Variants in PTGDR2 observed in about 807,000 individuals in gnomAD.
PTGDR2 encodes prostaglandin D2 receptor 2.
For missense variants in PTGDR2, 544 were observed against 576.6 expected, an observed-to-expected ratio of 0.94 and a Z score of 0.58; for synonymous variants, 276 against 278.4, an observed-to-expected ratio of 0.99 and a Z score of 0.09.
In PTGDR2 at chr11:60,851,800, C is replaced by T. The variant is rs1855271134; in HGVS notation, c.*735G>A. Reference sequence around the variant, plus strand: ...AGCATCTTAAGTCCCTCGAGTAGGTCAGAGAATGTCCTCGCTCACCAGAGA... The same window carrying T: ...AGCATCTTAAGTCCCTCGAGTAGGTTAGAGAATGTCCTCGCTCACCAGAGA... On this transcript the variant is annotated 3_prime_UTR_variant, in exon 2 of 2. Coordinates refer to ENST00000332539, the MANE Select transcript of PTGDR2 (RefSeq NM_004778.3). 6.6e-6 allele frequency: 1 copy of T among 152,202 alleles called. No individual in the cohort carries two copies. The highest frequency in any genetic ancestry group is 1.5e-5 in the Non-Finnish European group (1 of 68,038). 9.4% of individuals were successfully genotyped at this position (152,202 alleles called of 1,614,324 possible).
At position 60,852,633 on chromosome 11, in the gene PTGDR2, G is replaced by T. The variant is rs1315448876; in HGVS notation, c.1090C>A (p.Arg364=). ...CAGCCGAGGAGACGCGCGGGGCCCC[G>T]CGGTTCCTCCGGGCGGCTGCAGAGA... ...LALCSRPEEP[R]GPARLLGWLL... Residue 364 remains arginine (R), a synonymous_variant, in exon 2 of 2, where the codon CGG becomes AGG. Coordinates refer to ENST00000332539, the MANE Select transcript of PTGDR2 (RefSeq NM_004778.3). 7.5e-7 allele frequency: 1 copy of T among 1,330,830 alleles called. No homozygotes were observed. The highest frequency in any genetic ancestry group is 4.0e-5 in the Admixed American group (1 of 25,112). 82.4% of individuals were successfully genotyped at this position (1,330,830 alleles called of 1,614,324 possible). A position where few individuals can be genotyped will look rare whatever the true frequency, so the allele number is the denominator to read the frequency against.
chr11:60,853,393 G>C lies in PTGDR2; in HGVS notation c.330C>G (p.Ile110Met). The change falls in exon 2 of 2, where the codon ATC becomes ATG. Residue 110 changes from isoleucine (I) to methionine (M), a missense_variant. Transcript: ENST00000332539. ...CGCTGGCGAACATGTTGAGAAAGAA[G>C]ATGGAGGAGTGCAGTTTGCAGAAGG... Reference protein sequence around the residue: ...GTTFCKLHSSIFFLNMFASGF... With the variant: ...GTTFCKLHSSMFFLNMFASGF... 2 of 1,589,756 alleles carry C rather than the reference G, an allele frequency of 1.3e-6. No individual in the cohort carries two copies. The highest frequency in any genetic ancestry group is 1.7e-6 in the Non-Finnish European group (2 of 1,168,092).
Position 60,853,664 on chromosome 11 carries a change from A to T in PTGDR2, c.59T>A (p.Leu20His). ...LCPILEQMSR[L>H]QSHSNTSIRY... ...GATGCTGGTGTTGCTGTGGCTCTGGAGACGGCTCATCTGCTCCAGGATGGG... is the reference window on the plus strand; with the variant it reads ...GATGCTGGTGTTGCTGTGGCTCTGGTGACGGCTCATCTGCTCCAGGATGGG... Residue 20 changes from leucine to histidine, a missense_variant, in exon 2 of 2, where the codon CTC becomes CAC. Transcript: ENST00000332539. 6.4e-7 allele frequency: 1 copy of T among 1,558,782 alleles called. No homozygotes were observed. The highest frequency in any genetic ancestry group is 8.7e-7 in the Non-Finnish European group (1 of 1,151,482).
chr11:60,855,473 C>T (rs558837610), intron 1 of PTGDR2, among the ~76,000 whole-genome samples: 11 of 144,394 alleles, frequency 7.6e-5, no homozygotes, highest in Admixed American at 2.8e-4. Flanking sequence ...AGCTAAGGTC[C>T]GGCTTTGGCA....
intron 1 of PTGDR2, among the ~76,000 whole-genome samples, chr11:60,854,285 C>T (rs1045754883): frequency 6.6e-6 from 1 of 152,200 alleles, no homozygotes; most frequent in Non-Finnish European, 1.5e-5. Flanking sequence ...TGCAGCTCCC[C>T]GCACTCAGTG....
chr11:60,853,787 C>A, intron 1 of PTGDR2, 56 bp from the exon 2 acceptor site: 1 of 1,386,392 alleles, frequency 7.2e-7, no homozygotes, highest in Non-Finnish European at 9.7e-7. Context: ...ACCGGGGAAC[C>A]AAGAGAGAGG....
chr11:60,852,793 G>T lies in PTGDR2; in HGVS notation c.930C>A (p.Asp310Glu), dbSNP rs1293465766. The change falls in exon 2 of 2, where the codon GAC becomes GAA. Residue 310 changes from aspartate (D) to glutamate (E), a missense_variant. Transcript: ENST00000332539. ...NPVLYVLTCPDMLRKLRRSLR... is the reference protein window; with the variant it reads ...NPVLYVLTCPEMLRKLRRSLR... ...GCGAGCGCCGCAGCTTGCGCAGCATGTCGGGGCAGGTGAGCACGTAGAGCA... is the reference window on the plus strand; with the variant it reads ...GCGAGCGCCGCAGCTTGCGCAGCATTTCGGGGCAGGTGAGCACGTAGAGCA... 1.9e-6 allele frequency: 3 copies of T among 1,554,936 alleles called. No homozygotes were observed. The highest frequency in any genetic ancestry group is 2.6e-6 in the Non-Finnish European group (3 of 1,150,932).
chr11:60,853,871 A>G, intron 1 of PTGDR2, 140 bp from the exon 2 acceptor site: 2 of 682,042 alleles, frequency 2.9e-6, no homozygotes, highest in Non-Finnish European at 4.8e-6. Flanking sequence ...TGGGGGGAAT[A>G]ATATCCCAGC....
rs144164916 is a variant in PTGDR2, at chr11:60,853,291, G to C, written c.432C>G (p.Thr144=). The change falls in exon 2 of 2, where the codon ACC becomes ACG. Residue 144 remains threonine, a synonymous_variant. Transcript: ENST00000332539. Reference sequence around the variant, plus strand: ...GGCAGACTTTGTGCGCCGCGGCCACGGTGCGGTGGTTCTGCGCCCACACCG... The same window carrying C: ...GGCAGACTTTGTGCGCCGCGGCCACCGTGCGGTGGTTCTGCGCCCACACCG... The part of the protein sequence containing the change: ...VRPVWAQNHR[T]VAAAHKVCLV... The C allele has an allele frequency of 1.2e-6, 2 of 1,611,660 alleles. No individual in the cohort carries two copies. Among genetic ancestry groups the C allele is most frequent in the Non-Finnish European group, 1.7e-6 (2 of 1,179,084 alleles).
intron 1 of PTGDR2, 110 bp downstream of exon 1, chr11:60,855,759 C>T (rs1855347729): frequency 6.6e-6 from 1 of 152,376 alleles, no homozygotes; most frequent in African/African-American, 2.4e-5. Flanking sequence ...TAAACTCAAT[C>T]TTCTGCCATC....
In PTGDR2 at chr11:60,852,604, C is replaced by A; in HGVS notation, c.1119G>T (p.Leu373=). ...PRGPARLLGW[L]LGSCAASPQT... Reference sequence around the variant, plus strand: ...GCGGGGACGCTGCGCAGCTGCCCAGCAGCCAGCCGAGGAGACGCGCGGGGC... The same window carrying A: ...GCGGGGACGCTGCGCAGCTGCCCAGAAGCCAGCCGAGGAGACGCGCGGGGC... The change falls in exon 2 of 2, where the codon CTG becomes CTT. Residue 373 remains leucine (L), a synonymous_variant. Coordinates refer to ENST00000332539, the MANE Select transcript of PTGDR2 (RefSeq NM_004778.3). The A allele has an allele frequency of 7.7e-7, 1 of 1,306,454 alleles. No individual in the cohort carries two copies. 80.9% of individuals were successfully genotyped at this position (1,306,454 alleles called of 1,614,324 possible).
Position 60,852,667 on chromosome 11 carries a change from G to A in PTGDR2, c.1056C>T (p.Ser352=). ...RRTSSTARSA[S]PLALCSRPEE... ...CCGGGCGGCTGCAGAGAGCTAAAGG[G>A]GAGGCCGAGCGGGCGGTGGAGGAGG... is the stretch of plus-strand genomic sequence containing the variant. Residue 352 remains serine, a synonymous_variant, in exon 2 of 2, where the codon TCC becomes TCT. Coordinates refer to ENST00000332539, the MANE Select transcript of PTGDR2 (RefSeq NM_004778.3). The A allele has an allele frequency of 5.7e-6, 8 of 1,394,538 alleles. No homozygotes were observed. Among genetic ancestry groups the A allele is most frequent in the South Asian group, 3.3e-5 (2 of 61,508 alleles). The allele number at this position is 1,394,538 out of a possible 1,614,324, so 86.4% of individuals were successfully genotyped here.
rs1180810807 is a variant in PTGDR2 at position 60,851,948 on chromosome 11, A to G, written c.*587T>C. 6.6e-6 allele frequency: 1 copy of G among 152,308 alleles called. No homozygotes were observed. Among genetic ancestry groups the G allele is most frequent in the East Asian group, 1.9e-4 (1 of 5,200 alleles). The allele number at this position is 152,308 out of a possible 1,614,324, so 9.4% of individuals were successfully genotyped here. ...CTCAGCTGTAAAGACTGGCTAATAG[A>G]AGCTGCCCCTTAAGATTGTGGGATG... On this transcript the variant is annotated 3_prime_UTR_variant, in exon 2 of 2. Coordinates refer to ENST00000332539, the MANE Select transcript of PTGDR2 (RefSeq NM_004778.3).
rs1310206144 is a variant in PTGDR2, at chr11:60,853,202, G to C, written c.521C>G (p.Ser174Trp). 1.2e-6 allele frequency: 2 copies of C among 1,612,126 alleles called. No individual in the cohort carries two copies. The highest frequency in any genetic ancestry group is 8.5e-7 in the Non-Finnish European group (1 of 1,179,894). ...GCACATAATGCGCCCGTCCAGCCGCGAGATGGTGTCCCGGAACACGAAATA... is the reference window on the plus strand; with the variant it reads ...GCACATAATGCGCCCGTCCAGCCGCCAGATGGTGTCCCGGAACACGAAATA... ...VPYFVFRDTI[S>W]RLDGRIMCYY... Residue 174 changes from serine to tryptophan, a missense_variant, in exon 2 of 2, where the codon TCG becomes TGG. Ser to Trp is a radical substitution (Grantham distance 177). Coordinates refer to ENST00000332539, the MANE Select transcript of PTGDR2 (RefSeq NM_004778.3).
rs768698494 is a variant in PTGDR2, at chr11:60,852,810, C to T, written c.913G>A (p.Val305Met). ...FNSVANPVLY[V>M]LTCPDMLRKL... is the part of the protein sequence containing the mutation. ...CGCAGCATGTCGGGGCAGGTGAGCA[C>T]GTAGAGCACCGGGTTGGCCACGCTG... The change falls in exon 2 of 2, where the codon GTG becomes ATG. Residue 305 changes from valine to methionine, a missense_variant. Coordinates refer to ENST00000332539, the MANE Select transcript of PTGDR2 (RefSeq NM_004778.3). 6.4e-7 allele frequency: 1 copy of T among 1,558,946 alleles called. No individual in the cohort carries two copies. The highest frequency in any genetic ancestry group is 8.7e-7 in the Non-Finnish European group (1 of 1,152,870).
At chr11:60,853,759 G>A (rs1056928401) in intron 1 of PTGDR2, 28 bp from the exon 2 acceptor site, 1 of 1,495,992 alleles carries the variant, frequency 6.7e-7, no homozygotes, top group Non-Finnish European at 8.9e-7. Context: ...AGGCGCCTAA[G>A]TTGGAAGTGC....
At chr11:60,853,878 C>T in intron 1 of PTGDR2, 147 bp from the exon 2 acceptor site, 1 of 672,364 alleles carries the variant, frequency 1.5e-6, no homozygotes. Context: ...AATAATATCC[C>T]AGCATTGCTG....
chr11:60,854,923 G>A (rs41363645), intron 1 of PTGDR2, among the ~76,000 whole-genome samples: 4,261 of 152,288 alleles, frequency 0.028, 82 homozygotes, highest in South Asian at 0.046. Context: ...GGAGGAGGAG[G>A]AAGAAAAGCG....
At position 60,853,003 on chromosome 11, in the gene PTGDR2, C is replaced by G; in HGVS notation, c.720G>C (p.Arg240=). 6.9e-7 allele frequency: 1 copy of G among 1,442,646 alleles called. No individual in the cohort carries two copies. Among genetic ancestry groups the G allele is most frequent in the Non-Finnish European group, 9.1e-7 (1 of 1,101,626 alleles). 89.4% of individuals were successfully genotyped at this position (1,442,646 alleles called of 1,614,324 possible). A position where few individuals can be genotyped will look rare whatever the true frequency, so the allele number is the denominator to read the frequency against. Reference sequence around the variant, plus strand: ...CCACCAGGCGCACGAAGCGGCCTGGCCGCCGGCGGCCGCGGTGCTGCAACC... The same window carrying G: ...CCACCAGGCGCACGAAGCGGCCTGGGCGCCGGCGGCCGCGGTGCTGCAACC... The part of the protein sequence containing the change: ...SLRLQHRGRR[R]PGRFVRLVAA... The change falls in exon 2 of 2, where the codon CGG becomes CGC. Residue 240 remains arginine (R), a synonymous_variant. Transcript: ENST00000332539.
Sources: gnomAD v4.1 joint callset for allele counts (sites outside exome capture counted in the v4.1 genomes callset) on GRCh38, gnomAD v4.1.1 for gene constraint, MANE v1.5 for transcripts, NCBI Gene and HGNC (gene_info 2026-07-23, HGNC 2026-07-21) for gene names.